Variants in AHCYL2 observed in about 807,000 individuals in gnomAD.
AHCYL2 encodes the protein adenosylhomocysteinase like 2.
AHCYL2 carries 28 observed loss-of-function variants against 81.4 expected under a neutral mutation model. The ratio of observed to expected loss-of-function variants is 0.34; its 90% CI spans 0.25 to 0.47. AHCYL2 has a LOEUF of 0.47. Among genes scored for constraint, AHCYL2 ranks in the 20% least tolerant of loss-of-function variants. The probability of loss-of-function intolerance (pLI) is 1.00; values close to 1 mark genes in which losing one functional copy is unlikely to be tolerated. For synonymous variants in AHCYL2, 272 were observed against 290.2 expected (o/e 0.94, Z 0.64); for missense variants, 551 against 785.1 (o/e 0.70, Z 3.56).
At chr7:129,349,669 A>G (rs956633014) in intron 1 of AHCYL2, among the ~76,000 whole-genome samples, 2 of 150,864 alleles carry the variant, frequency 1.3e-5, no homozygotes, top group African/African-American at 4.9e-5. Flanking sequence ...AAAAAAAAAA[A>G]AAAGCGTATG....
chr7:129,365,278 A>G (rs1794067763), intron 1 of AHCYL2, among the ~76,000 whole-genome samples: 1 of 152,188 alleles, frequency 6.6e-6, no homozygotes, highest in Non-Finnish European at 1.5e-5. Context: ...AAGATAATGG[A>G]AGTGAAGGCA....
intron 1 of AHCYL2, among the ~76,000 whole-genome samples, chr7:129,239,440 T>G (rs934047311): frequency 6.6e-6 from 1 of 151,888 alleles, no homozygotes; most frequent in African/African-American, 2.4e-5. Flanking sequence ...ATTTTTTTTT[T>G]TTTTTTAGAG....
intron 2 of AHCYL2, among the ~76,000 whole-genome samples, chr7:129,384,086 A>T (rs1795090675): frequency 6.6e-6 from 1 of 152,102 alleles, no homozygotes; most frequent in South Asian, 2.1e-4. Context: ...TCAAAACATC[A>T]TGTTATACAC....
Position 129,382,803 on chromosome 7 carries a change from G to A in AHCYL2, c.475+3054G>A, listed in dbSNP as rs1360075324. 4.6e-5 allele frequency among the ~76,000 whole-genome samples: 7 copies of A among 152,184 alleles called. No homozygotes were observed. The East Asian group carries it at 1.2e-3, about 25-fold the overall frequency. On this transcript the variant is annotated intron_variant, in intron 2 of 16. Coordinates refer to ENST00000325006, the MANE Select transcript of AHCYL2 (RefSeq NM_015328.4). ...TGCCTGTAATCCCAGCTACTCGGGA[G>A]GCTGAGGCAGGAGAATTGCTTGAAC...
At chr7:129,241,377 G>A (rs1243633489) in intron 1 of AHCYL2, among the ~76,000 whole-genome samples, 1 of 152,104 alleles carries the variant, frequency 6.6e-6, no homozygotes, top group African/African-American at 2.4e-5. Flanking sequence ...GATCACCTGA[G>A]GTCAGGAGTT....
At chr7:129,257,778 A>T (rs996680438) in intron 1 of AHCYL2, among the ~76,000 whole-genome samples, 38 of 152,266 alleles carry the variant, frequency 2.5e-4, no homozygotes, top group African/African-American at 8.9e-4. Flanking sequence ...CCTCAGTTTG[A>T]AGTAATGGTC....
At chr7:129,242,792 GA>G (rs1794911263) in intron 1 of AHCYL2, among the ~76,000 whole-genome samples, 1 of 151,404 alleles carries the variant, frequency 6.6e-6, no homozygotes, top group Non-Finnish European at 1.5e-5. Context: ...ATTGCTTTCT[GA>G]AGTGGCTTGA....
intron 1 of AHCYL2, among the ~76,000 whole-genome samples, chr7:129,275,466 C>T (rs560127019): frequency 6.6e-6 from 1 of 152,210 alleles, no homozygotes; most frequent in African/African-American, 2.4e-5. Context: ...TAATCCAAGT[C>T]TATGCAGTTT....
At chr7:129,259,446 G>T (rs542219475) in intron 1 of AHCYL2, among the ~76,000 whole-genome samples, 2 of 152,056 alleles carry the variant, frequency 1.3e-5, no homozygotes, top group East Asian at 3.9e-4. Context: ...ATTAATGTAG[G>T]CTTACTCTTT....
At chr7:129,311,287 A>G (rs1797648339) in intron 1 of AHCYL2, among the ~76,000 whole-genome samples, 1 of 152,190 alleles carries the variant, frequency 6.6e-6, no homozygotes, top group Non-Finnish European at 1.5e-5. Flanking sequence ...TTACATAGAA[A>G]CAGGATATCT....
chr7:129,343,452 C>A lies in AHCYL2; in HGVS notation c.364-36186C>A, dbSNP rs182517056. Among the ~76,000 whole-genome samples the A allele has an allele frequency of 1.5e-4, 23 of 152,210 alleles. No individual in the cohort carries two copies. The East Asian group carries it at 4.2e-3, about 28-fold the overall frequency. On this transcript the variant is annotated intron_variant, in intron 1 of 16. Coordinates refer to ENST00000325006, the MANE Select transcript of AHCYL2 (RefSeq NM_015328.4). ...CCTTCCCTGCTATCAATTATGACTT[C>A]GAAGACTATTTTGTGCTTAATACTT...
chr7:129,308,583 T>C (rs1037419197), intron 1 of AHCYL2, among the ~76,000 whole-genome samples: 2 of 152,222 alleles, frequency 1.3e-5, no homozygotes, highest in African/African-American at 4.8e-5. Context: ...TTTGTGTAGA[T>C]AGTTGTTAAA....
intron 12 of AHCYL2, 89 bp from the exon 13 acceptor site, chr7:129,422,751 T>C (rs1797173129): frequency 7.0e-6 from 8 of 1,147,942 alleles, no homozygotes; most frequent in Middle Eastern, 2.2e-4. Context: ...CCTTTCAACC[T>C]GCTATTTGAA....
At chr7:129,230,414 T>G (rs987809059) in intron 1 of AHCYL2, among the ~76,000 whole-genome samples, 1 of 151,934 alleles carries the variant, frequency 6.6e-6, no homozygotes, top group African/African-American at 2.4e-5. Flanking sequence ...CGAAGATAGC[T>G]AGTGTTCTCC....
chr7:129,270,202 T>G (rs1444491817), intron 1 of AHCYL2, among the ~76,000 whole-genome samples: 1 of 152,212 alleles, frequency 6.6e-6, no homozygotes, highest in Non-Finnish European at 1.5e-5. Flanking sequence ...GGTTGAGGGA[T>G]TCTACCTTCC....
chr7:129,295,034 G>C (rs1361055538), intron 1 of AHCYL2, among the ~76,000 whole-genome samples: 1 of 152,218 alleles, frequency 6.6e-6, no homozygotes, highest in Non-Finnish European at 1.5e-5. Flanking sequence ...TTTTAACCAA[G>C]AAACAATTAG....
intron 1 of AHCYL2, among the ~76,000 whole-genome samples, chr7:129,374,510 A>T (rs969881842): frequency 6.6e-5 from 10 of 152,088 alleles, no homozygotes; most frequent in African/African-American, 1.9e-4. Flanking sequence ...TCCTTAAAAA[A>T]AAAAAAAAAT....
chr7:129,322,007 CTCAGG>C (rs1798052413), intron 1 of AHCYL2, among the ~76,000 whole-genome samples: 1 of 151,826 alleles, frequency 6.6e-6, no homozygotes, highest in Non-Finnish European at 1.5e-5. Context: ...AACTCCTGAC[CTCAGG>C]TGATCCACCT....
intron 1 of AHCYL2, among the ~76,000 whole-genome samples, chr7:129,310,329 G>A (rs376318897): frequency 1.3e-5 from 2 of 152,228 alleles, no homozygotes. Flanking sequence ...AACCATGCTT[G>A]CTAAGATCAC....
Sources: gnomAD v4.1 joint callset for allele counts (sites outside exome capture counted in the v4.1 genomes callset) on GRCh38, gnomAD v4.1.1 for gene constraint, MANE v1.5 for transcripts, NCBI Gene and HGNC (gene_info 2026-07-23, HGNC 2026-07-21) for gene names.